NEMP2: variants seen among roughly 807,000 people sequenced by gnomAD.
NEMP2 encodes UPF0571 transmembrane protein.
A neutral mutation model predicts 54.2 loss-of-function variants in NEMP2; 53 were observed. The ratio of observed to expected loss-of-function variants is 0.98; its 90% CI spans 0.78 to 1.23. The LOEUF is 1.23. Ranked by LOEUF, NEMP2 falls within the 50% of genes most tolerant of loss-of-function variation. The pLI is 0.00. For synonymous variants in NEMP2, 197 were observed against 190.3 expected, an observed-to-expected ratio of 1.04 and a Z score of -0.29; for missense variants, 455 against 511.3, an observed-to-expected ratio of 0.89 and a Z score of 1.06.
the NEMP2 span, chr2:190,497,842 C>T: frequency 8.5e-7 from 1 of 1,172,572 alleles, no homozygotes; most frequent in East Asian, 2.5e-5. This position sits in a 1 kb window ranked among gnomAD's most constrained non-coding sequence, Gnocchi z 5.2. Context: ...GGGAAATAGA[C>T]ATGCAAACAA....
chr2:190,636,684 C>T, the NEMP2 span, among the ~76,000 whole-genome samples: 1 of 152,214 alleles, frequency 6.6e-6, no homozygotes, highest in African/African-American at 2.4e-5. Flanking sequence ...GTCTCAAATT[C>T]AGCTACTAAA....
downstream of NEMP2, chr2:190,500,328 T>C: frequency 1.8e-6 from 2 of 1,098,952 alleles, no homozygotes; most frequent in Non-Finnish European, 2.6e-6. This position sits in a 1 kb window ranked among gnomAD's most constrained non-coding sequence, Gnocchi z 5.3. Flanking sequence ...CAGCACTGCA[T>C]ATGCTTCTAA....
At chr2:190,477,352 A>C in the NEMP2 span, 1 of 983,918 alleles carries the variant, frequency 1.0e-6, no homozygotes. Context: ...GGTATGCTAC[A>C]GTGTGCAGAC....
chr2:190,622,051 G>T, the NEMP2 span, among the ~76,000 whole-genome samples: 2 of 152,146 alleles, frequency 1.3e-5, no homozygotes, highest in Non-Finnish European at 2.9e-5. Flanking sequence ...ATGTTGTAGT[G>T]AGCATGCCAC....
the NEMP2 span, among the ~76,000 whole-genome samples, chr2:190,489,574 T>C: frequency 3.6e-3 from 553 of 152,346 alleles, 6 homozygotes; most frequent in African/African-American, 0.012. The surrounding 1 kb of genome is among the most constrained non-coding windows in gnomAD (Gnocchi z 6.6). Context: ...ACAGATCCAA[T>C]ATCAGCCCTG....
At position 190,508,104 on chromosome 2, in the gene NEMP2, T is replaced by C. The variant is rs1690237907; in HGVS notation, c.*1085A>G. 6.6e-6 allele frequency: 1 copy of C among 152,176 alleles called. No homozygotes were observed. Among genetic ancestry groups the C allele is most frequent in the Non-Finnish European group, 1.5e-5 (1 of 68,018 alleles). The allele number at this position is 152,176 out of a possible 1,614,324, so 9.4% of individuals were successfully genotyped here. On this transcript the variant is annotated 3_prime_UTR_variant, in exon 9 of 9. Transcript: ENST00000409150. The surrounding 1 kb of genome is among the most constrained non-coding windows in gnomAD (Gnocchi z 4.3). ...TTTATAAGAAATTGTTACAAACACC[T>C]ATAGCTAAACAATTTTTTAAATGGA... is the stretch of plus-strand genomic sequence containing the variant.
chr2:190,509,289 C>T lies in NEMP2; in HGVS notation c.1154G>A (p.Gly385Glu). 6.4e-7 allele frequency: 1 copy of T among 1,551,656 alleles called. No individual in the cohort carries two copies. The highest frequency in any genetic ancestry group is 8.7e-7 in the Non-Finnish European group (1 of 1,146,992). ...GATTTCTTCAGGTGACAAGTGGCTTCCTCCAAGAACAAAGTCTGCAAATCT... is the reference window on the plus strand; with the variant it reads ...GATTTCTTCAGGTGACAAGTGGCTTTCTCCAAGAACAAAGTCTGCAAATCT... ...PSKFADFVLGGSHLSPEEISL... is the reference protein window; with the variant it reads ...PSKFADFVLGESHLSPEEISL... The change falls in exon 9 of 9, where the codon GGA becomes GAA. Residue 385 changes from glycine (G) to glutamate (E), a missense_variant. Gly to Glu is a moderately conservative substitution (Grantham distance 98). This residue lies in a region of NEMP2 where 294 missense variants were observed against 333.6 expected (regional missense o/e 0.88). Transcript: ENST00000409150. This position sits in a 1 kb window ranked among gnomAD's most constrained non-coding sequence, Gnocchi z 6.1.
the NEMP2 span, among the ~76,000 whole-genome samples, chr2:190,618,678 C>T: frequency 3.9e-5 from 6 of 152,184 alleles, no homozygotes; most frequent in African/African-American, 1.2e-4. Flanking sequence ...CTCCTGGGCT[C>T]GAGCAATCCT....
the NEMP2 span, among the ~76,000 whole-genome samples, chr2:190,627,422 G>T: frequency 1.3e-5 from 2 of 152,078 alleles, no homozygotes; most frequent in East Asian, 3.8e-4. This position sits in a 1 kb window ranked among gnomAD's most constrained non-coding sequence, Gnocchi z 4.4. Context: ...ATTAAGATTT[G>T]AAGATTTCCA....
chr2:190,508,986 T>A lies in NEMP2; in HGVS notation c.*203A>T, dbSNP rs1690263559. ...CTGTCACAGAATTTTGGTATCCACC[T>A]ACAGTACAATAAGTAGCAGAAGTCA... is the stretch of plus-strand genomic sequence containing the variant. On this transcript the variant is annotated 3_prime_UTR_variant, in exon 9 of 9. Coordinates refer to ENST00000409150, the MANE Select transcript of NEMP2 (RefSeq NM_001142645.2). This position sits in a 1 kb window ranked among gnomAD's most constrained non-coding sequence, Gnocchi z 4.3. 1 of 697,736 alleles carries A rather than the reference T, an allele frequency of 1.4e-6. No homozygotes were observed. Among genetic ancestry groups the A allele is most frequent in the Admixed American group, 3.1e-5 (1 of 32,152 alleles). The allele number at this position is 697,736 out of a possible 1,614,324, so 43.2% of individuals were successfully genotyped here. A position where few individuals can be genotyped will look rare whatever the true frequency, so the allele number is the denominator to read the frequency against.
At chr2:190,603,864 T>A in the NEMP2 span, among the ~76,000 whole-genome samples, 16 of 152,016 alleles carry the variant, frequency 1.1e-4, no homozygotes, top group African/African-American at 3.9e-4. Flanking sequence ...GTTTTCTGTG[T>A]TCCTACTCTT....
At chr2:190,489,405 A>G in the NEMP2 span, among the ~76,000 whole-genome samples, 2 of 152,218 alleles carry the variant, frequency 1.3e-5, no homozygotes, top group Non-Finnish European at 2.9e-5. The surrounding 1 kb of genome is among the most constrained non-coding windows in gnomAD (Gnocchi z 6.6). Flanking sequence ...GCACTATTTG[A>G]GCACTGCTGT....
rs1690191336 is a variant in NEMP2, at chr2:190,506,524, G to A, written c.*2665C>T. 1 of 152,112 alleles carries A rather than the reference G, an allele frequency of 6.6e-6. No individual in the cohort carries two copies. The highest frequency in any genetic ancestry group is 2.1e-4 in the South Asian group (1 of 4,828). 9.4% of individuals were successfully genotyped at this position (152,112 alleles called of 1,614,324 possible). A position where few individuals can be genotyped will look rare whatever the true frequency, so the allele number is the denominator to read the frequency against. ...AAACCCTCTTAAAATCTAAATATAT[G>A]AAATTTCCAGATTTTTTTAAAAAGT... On this transcript the variant is annotated 3_prime_UTR_variant, in exon 9 of 9. Transcript: ENST00000409150. The surrounding 1 kb of genome is among the most constrained non-coding windows in gnomAD (Gnocchi z 6.3).
the NEMP2 span, among the ~76,000 whole-genome samples, chr2:190,547,736 A>G: frequency 3.3e-5 from 5 of 152,092 alleles, no homozygotes; most frequent in Admixed American, 3.3e-4. This position sits in a 1 kb window ranked among gnomAD's most constrained non-coding sequence, Gnocchi z 6.2. Context: ...GGGTTTCATC[A>G]TGTTGGCCAG....
At chr2:190,637,708 C>T in the NEMP2 span, among the ~76,000 whole-genome samples, 1 of 152,204 alleles carries the variant, frequency 6.6e-6, no homozygotes, top group Non-Finnish European at 1.5e-5. This position sits in a 1 kb window ranked among gnomAD's most constrained non-coding sequence, Gnocchi z 4.5. Flanking sequence ...CTACCCAAAC[C>T]AGAACCATCA....
At chr2:190,607,078 C>T in the NEMP2 span, among the ~76,000 whole-genome samples, 4 of 152,090 alleles carry the variant, frequency 2.6e-5, no homozygotes, top group Non-Finnish European at 5.9e-5. This position sits in a 1 kb window ranked among gnomAD's most constrained non-coding sequence, Gnocchi z 5.2. Flanking sequence ...ATCTGAACAG[C>T]CCATGGCGGG....
chr2:190,518,623 C>A, intron 4 of NEMP2, 113 bp downstream of exon 4: 2 of 878,082 alleles, frequency 2.3e-6, no homozygotes, highest in Non-Finnish European at 3.4e-6. Flanking sequence ...GTTTGCAAAA[C>A]CTAAAGTAAG....
Position 190,509,378 on chromosome 2 carries a change from T to C in NEMP2, c.1131-66A>G, listed in dbSNP as rs1690278035. 11 of 1,506,408 alleles carry C rather than the reference T, an allele frequency of 7.3e-6. 1 individual carries two copies. The South Asian group carries it at 1.2e-4, about 16-fold the overall frequency. 93.3% of individuals were successfully genotyped at this position (1,506,408 alleles called of 1,614,324 possible). ...AGGAAGGTTTATTTGAAAGATAACA[T>C]GTTCCCTTGCTATTTATCCCCTTTA... On this transcript the variant is annotated intron_variant, in intron 8 of 8. Transcript: ENST00000409150. The surrounding 1 kb of genome is among the most constrained non-coding windows in gnomAD (Gnocchi z 6.1).
At chr2:190,438,313 C>T in the NEMP2 span, among the ~76,000 whole-genome samples, 603 of 152,090 alleles carry the variant, frequency 4.0e-3, 4 homozygotes, top group African/African-American at 0.014. This position sits in a 1 kb window ranked among gnomAD's most constrained non-coding sequence, Gnocchi z 5.2. Context: ...GTCAGGAGTT[C>T]GAGACCAGCC....
Sources: gnomAD v4.1 joint callset for allele counts (sites outside exome capture counted in the v4.1 genomes callset) on GRCh38, gnomAD v4.1.1 for gene constraint, gnomAD v4.1.1 regional missense constraint, Gnocchi (gnomAD v3.1) non-coding constraint, MANE v1.5 for transcripts, NCBI Gene and HGNC (gene_info 2026-07-23, HGNC 2026-07-21) for gene names.